The following HTR3C variants were observed in gnomAD, a reference collection of about 807,000 sequenced individuals.
The protein encoded by HTR3C is 5-HT3-C.
Under a neutral mutation model 40.5 loss-of-function variants are expected in HTR3C, and 32 were observed. The ratio of observed to expected loss-of-function variants is 0.79; its 90% CI spans 0.60 to 1.06. HTR3C has a LOEUF of 1.06. Ranked by LOEUF, HTR3C falls within the 50% of genes least tolerant of loss-of-function variation. The pLI is 0.00. For missense variants in HTR3C, 523 were observed against 556.8 expected, an observed-to-expected ratio of 0.94 and a Z score of 0.61; for synonymous variants, 209 against 217.1, an observed-to-expected ratio of 0.96 and a Z score of 0.33.
At chr3:184,056,086 A>G (rs1181334627) in intron 3 of HTR3C, 91 bp from the exon 4 acceptor site, 20 of 792,716 alleles carry the variant, frequency 2.5e-5, no homozygotes, top group Non-Finnish European at 4.4e-5. Flanking sequence ...GAGTGGGAGG[A>G]TCAAGGTTTA....
At position 184,059,779 on chromosome 3, in the gene HTR3C, GC is replaced by G. The variant is rs1438186049; in HGVS notation, c.926-48del. 4.4e-6 allele frequency: 7 copies of G among 1,604,864 alleles called. No homozygotes were observed. In the African/African-American group the frequency reaches 9.4e-5, roughly 21 times the overall value. Reference sequence around the variant, plus strand: ...GATTTAGGAAAGAGGCGTGAGGAATGCTTAGAGATAAATTTGCCTGGTTTAT... The same window carrying G: ...GATTTAGGAAAGAGGCGTGAGGAATGTTAGAGATAAATTTGCCTGGTTTAT... On this transcript the variant is annotated intron_variant, in intron 7 of 8. Transcript: ENST00000318351.
Position 184,060,141 on chromosome 3 carries a change from T to C in HTR3C, c.1142-9T>C, listed in dbSNP as rs1389502816. On this transcript the variant is annotated splice_polypyrimidine_tract_variant and intron_variant, in intron 8 of 8. Transcript: ENST00000318351. ...CCACTCCATGACTGAGCCTCTGTCC[T>C]CTCCACAGGCCCAAAGGAGCCGGGG... The C allele has an allele frequency of 6.2e-7, 1 of 1,612,830 alleles. No homozygotes were observed. Among genetic ancestry groups the C allele is most frequent in the South Asian group, 1.1e-5 (1 of 90,966 alleles).
At position 184,057,037 on chromosome 3, in the gene HTR3C, C is replaced by G. The variant is rs769327911; in HGVS notation, c.552C>G (p.Leu184=). ...QNCTFTFSSF[L]YTVDSMLLGM... The stretch of plus-strand genomic sequence containing the variant: ...GTACCTTCACCTTCAGTTCTTTCCT[C>G]TACACAGGTAAGTGTGACACATTTT... Residue 184 remains leucine, a synonymous_variant, in exon 5 of 9, where the codon CTC becomes CTG. Coordinates refer to ENST00000318351, the MANE Select transcript of HTR3C (RefSeq NM_130770.3). The G allele has an allele frequency of 1.9e-6, 3 of 1,608,156 alleles. No homozygotes were observed. The highest frequency in any genetic ancestry group is 2.2e-5 in the South Asian group (2 of 90,508).
Position 184,060,208 on chromosome 3 carries a change from A to G in HTR3C, c.1200A>G (p.Pro400=). 1 of 1,614,194 alleles carries G rather than the reference A, an allele frequency of 6.2e-7. No homozygotes were observed. Residue 400 remains proline, a synonymous_variant, in exon 9 of 9, where the codon CCA becomes CCG. Transcript: ENST00000318351. The part of the protein sequence containing the change: ...GKKLGPRETE[P]DGGSGWTKTQ... Reference sequence around the variant, plus strand: ...AGCTGGGACCCAGAGAGACCGAGCCAGATGGGGGCTCAGGATGGACAAAGA... The same window carrying G: ...AGCTGGGACCCAGAGAGACCGAGCCGGATGGGGGCTCAGGATGGACAAAGA...
At chr3:184,055,200 C>G in intron 2 of HTR3C, 112 bp from the exon 3 acceptor site, 1 of 775,884 alleles carries the variant, frequency 1.3e-6, no homozygotes, top group Non-Finnish European at 2.3e-6. Context: ...GACAATTCAG[C>G]ATCTACAACA....
intron 1 of HTR3C, 33 bp downstream of exon 1, chr3:184,053,180 T>C: frequency 6.4e-7 from 1 of 1,573,634 alleles, no homozygotes; most frequent in Non-Finnish European, 8.7e-7. Context: ...AAGACCAGAG[T>C]GTGGTTCCGA....
chr3:184,054,987 A>G, intron 2 of HTR3C, 100 bp downstream of exon 2: 1 of 1,210,234 alleles, frequency 8.3e-7, no homozygotes, highest in South Asian at 1.5e-5. Flanking sequence ...GGTGAACAAT[A>G]GGCACCCTGG....
chr3:184,056,357 C>A, intron 4 of HTR3C, 71 bp downstream of exon 4: 1 of 977,642 alleles, frequency 1.0e-6, no homozygotes. Context: ...CAGCACAGGG[C>A]ATGGGGCCAC....
chr3:184,058,341 T>G (rs1723371816), intron 5 of HTR3C, 86 bp from the exon 6 acceptor site: 1 of 1,381,804 alleles, frequency 7.2e-7, no homozygotes, highest in Non-Finnish European at 9.5e-7. Context: ...AAATTTGGTT[T>G]AGAAGCTCAG....
intron 2 of HTR3C, 21 bp from the exon 3 acceptor site, chr3:184,055,291 G>A (rs1313118666): frequency 1.3e-6 from 2 of 1,579,502 alleles, no homozygotes. Context: ...TAATAATCCT[G>A]AGTGGAAATT....
intron 6 of HTR3C, 119 bp downstream of exon 6, chr3:184,058,706 T>C: frequency 8.9e-7 from 1 of 1,118,760 alleles, no homozygotes; most frequent in Non-Finnish European, 1.3e-6. Context: ...GGCTCACACC[T>C]GTAATCCCAG....
Position 184,054,724 on chromosome 3 carries a change from G to A in HTR3C, c.71G>A (p.Arg24Lys). ...ACGGAGTCTCTGCTCTCTATAGGAA[G>A]AGGCGACGCTTTTACCATCAATTGC... is the stretch of plus-strand genomic sequence containing the variant. ...CLTVSLLLQG[R>K]GDAFTINCSG... Residue 24 changes from arginine to lysine, a missense_variant, in exon 2 of 9, where the codon AGA (arginine) becomes AAA (lysine). By Grantham distance (26) the Arg-to-Lys change is conservative (BLOSUM62 2). Transcript: ENST00000318351. The A allele has an allele frequency of 6.3e-7, 1 of 1,591,108 alleles. No homozygotes were observed. The highest frequency in any genetic ancestry group is 8.5e-7 in the Non-Finnish European group (1 of 1,170,334).
intron 1 of HTR3C, 61 bp downstream of exon 1, chr3:184,053,208 C>A: frequency 8.4e-7 from 1 of 1,192,760 alleles, no homozygotes; most frequent in Non-Finnish European, 1.3e-6. Flanking sequence ...CTGGACTCAC[C>A]TCTAGCACTT....
chr3:184,057,087 G>A (rs753950061), intron 5 of HTR3C, 43 bp downstream of exon 5: 1 of 1,157,594 alleles, frequency 8.6e-7, no homozygotes, highest in Non-Finnish European at 1.2e-6. Flanking sequence ...ATTCAGGGAA[G>A]ACATTTGAGT....
chr3:184,058,198 C>A (rs932848924), intron 5 of HTR3C, among the ~76,000 whole-genome samples: 1 of 152,172 alleles, frequency 6.6e-6, no homozygotes, highest in African/African-American at 2.4e-5. Flanking sequence ...CCAATATTCC[C>A]ATAACGAACT....
intron 1 of HTR3C, 34 bp from the exon 2 acceptor site, chr3:184,054,687 A>C: frequency 6.7e-7 from 1 of 1,503,138 alleles, no homozygotes; most frequent in Non-Finnish European, 8.9e-7. Context: ...CTGGAAATAG[A>C]GTCCCTCTCT....
Position 184,057,099 on chromosome 3 carries a change from G to A in HTR3C, c.559+55G>A. 5.2e-6 allele frequency: 7 copies of A among 1,341,350 alleles called. No individual in the cohort carries two copies. The South Asian group carries it at 9.6e-5, about 18-fold the overall frequency. The allele number at this position is 1,341,350 out of a possible 1,614,324, so 83.1% of individuals were successfully genotyped here. Reference sequence around the variant, plus strand: ...AAGATTCAGGGAAGACATTTGAGTGGTGTAGGTATCATTAGAAAAGGTTTT... The same window carrying A: ...AAGATTCAGGGAAGACATTTGAGTGATGTAGGTATCATTAGAAAAGGTTTT... On this transcript the variant is annotated intron_variant, in intron 5 of 8. Transcript: ENST00000318351.
chr3:184,056,333 G>A (rs371362662), intron 4 of HTR3C, 47 bp downstream of exon 4: 1 of 1,317,022 alleles, frequency 7.6e-7, no homozygotes. Flanking sequence ...CATCTGCCGA[G>A]AACAGCCTAG....
At position 184,053,098 on chromosome 3, in the gene HTR3C, T is replaced by C. The variant is rs1723256838; in HGVS notation, c.18T>C (p.Pro6=). Residue 6 remains proline (P), a synonymous_variant, in exon 1 of 9, where the codon CCT becomes CCC. Transcript: ENST00000318351. Reference sequence around the variant, plus strand: ...AAAGAAGAATGGAAGGAGGGTGGCCTGCAAGGCAGAGTGCCCTCCTCTGCC... The same window carrying C: ...AAAGAAGAATGGAAGGAGGGTGGCCCGCAAGGCAGAGTGCCCTCCTCTGCC... MEGGW[P]ARQSALLCLT... is the part of the protein sequence containing the mutation. 6.2e-7 allele frequency: 1 copy of C among 1,613,602 alleles called. No individual in the cohort carries two copies. Among genetic ancestry groups the C allele is most frequent in the Non-Finnish European group, 8.5e-7 (1 of 1,179,684 alleles).
Sources: allele counts gnomAD v4.1 joint callset (sites outside exome capture counted in the v4.1 genomes callset), GRCh38; gene constraint gnomAD v4.1.1; transcripts MANE v1.5; gene names NCBI Gene and HGNC (gene_info 2026-07-23, HGNC 2026-07-21).